The following CHLSN variants were observed in gnomAD, a reference collection of about 807,000 sequenced individuals.
CHLSN encodes cholesin.
the CHLSN span, among the ~76,000 whole-genome samples, chr7:994,121 A>G: frequency 6.6e-6 from 1 of 152,114 alleles, no homozygotes; most frequent in African/African-American, 2.4e-5. Flanking sequence ...CTTCCAAACA[A>G]TGCTCCCTTT....
the CHLSN span, among the ~76,000 whole-genome samples, chr7:1,104,221 G>A: frequency 9.9e-5 from 15 of 152,246 alleles, no homozygotes; most frequent in African/African-American, 2.7e-4. Flanking sequence ...TGTCAGCACC[G>A]AGGCAAGGGC....
the CHLSN span, among the ~76,000 whole-genome samples, chr7:1,135,031 T>G: frequency 6.6e-6 from 1 of 152,182 alleles, no homozygotes; most frequent in Non-Finnish European, 1.5e-5. Context: ...AGTATGCAAC[T>G]TATTTGACCT....
chr7:1,064,095 CACACACAT>C, the CHLSN span, among the ~76,000 whole-genome samples: 7 of 147,040 alleles, frequency 4.8e-5, no homozygotes, highest in Non-Finnish European at 1.1e-4. Context: ...GCAGCATACA[CACACACAT>C]ACATGCGTGC....
At chr7:1,117,308 GC>G in the CHLSN span, among the ~76,000 whole-genome samples, 87 of 82,014 alleles carry the variant, frequency 1.1e-3, 6 homozygotes, top group African/African-American at 1.3e-3. Flanking sequence ...CATCACTACA[GC>G]TCTACAGACC....
the CHLSN span, chr7:1,127,236 G>C: frequency 1.3e-6 from 2 of 1,584,116 alleles, no homozygotes; most frequent in Non-Finnish European, 1.7e-6. Flanking sequence ...GGCAGGGCCA[G>C]TGAAGCACAG....
chr7:1,055,101 C>T, the CHLSN span, among the ~76,000 whole-genome samples: 6 of 152,326 alleles, frequency 3.9e-5, no homozygotes, highest in Admixed American at 6.5e-5. Context: ...GCAGAGGCCA[C>T]GGCCTCCATG....
At chr7:991,772 C>A in the CHLSN span, among the ~76,000 whole-genome samples, 2 of 152,226 alleles carry the variant, frequency 1.3e-5, no homozygotes, top group African/African-American at 2.4e-5. Flanking sequence ...GGGGCACAGG[C>A]ACATTCACGG....
At chr7:1,136,670 T>TAA in the CHLSN span, among the ~76,000 whole-genome samples, 1 of 148,084 alleles carries the variant, frequency 6.8e-6, no homozygotes, top group African/African-American at 2.5e-5. Context: ...TGTATATATA[T>TAA]AACTATATAT....
At chr7:1,127,232 G>A in the CHLSN span, 7 of 1,580,206 alleles carry the variant, frequency 4.4e-6, no homozygotes, top group Non-Finnish European at 5.1e-6. Context: ...AGAGGGCAGG[G>A]CCAGTGAAGC....
chr7:1,027,861 C>T, the CHLSN span, among the ~76,000 whole-genome samples: 1 of 152,252 alleles, frequency 6.6e-6, no homozygotes, highest in African/African-American at 2.4e-5. Flanking sequence ...GCTCGTGTCT[C>T]CCCCGGGGGC....
chr7:1,016,304 TAGC>T, the CHLSN span, among the ~76,000 whole-genome samples: 2 of 27,490 alleles, frequency 7.3e-5, no homozygotes, highest in Non-Finnish European at 1.1e-4. Flanking sequence ...CGCCAGCACA[TAGC>T]AGCACAGCAG....
At chr7:1,000,601 G>A in the CHLSN span, 1 of 1,475,490 alleles carries the variant, frequency 6.8e-7, no homozygotes, top group African/African-American at 1.4e-5. Flanking sequence ...AAGACTCCCG[G>A]GCAGCTGTCT....
chr7:1,036,349 G>A, the CHLSN span, among the ~76,000 whole-genome samples: 3 of 151,454 alleles, frequency 2.0e-5, no homozygotes, highest in African/African-American at 7.3e-5. Context: ...GCCGTGCAGG[G>A]CTCGGGTGCT....
At chr7:979,733 T>C in the CHLSN span, among the ~76,000 whole-genome samples, 1 of 145,200 alleles carries the variant, frequency 6.9e-6, no homozygotes, top group Non-Finnish European at 1.5e-5. Flanking sequence ...AAACTCCGTC[T>C]CAAAAAAAAA....
At chr7:1,123,638 A>C in the CHLSN span, among the ~76,000 whole-genome samples, 1 of 150,938 alleles carries the variant, frequency 6.6e-6, no homozygotes, top group Non-Finnish European at 1.5e-5. This position sits in a 1 kb window ranked among gnomAD's most constrained non-coding sequence, Gnocchi z 4.4. Flanking sequence ...AACCAGGGAG[A>C]GTCAGCAAGG....
the CHLSN span, among the ~76,000 whole-genome samples, chr7:998,400 CTGTAGCAACCATTTCA>C: frequency 2.7e-5 from 4 of 150,200 alleles, no homozygotes; most frequent in African/African-American, 9.8e-5. Context: ...GTCTCCCATT[CTGTAGCAACCATTTCA>C]CTTTCCAGCT....
At chr7:980,684 CTTTTT>C in the CHLSN span, among the ~76,000 whole-genome samples, 2 of 97,040 alleles carry the variant, frequency 2.1e-5, no homozygotes, top group Non-Finnish European at 2.0e-5. Flanking sequence ...GTAACAGTTA[CTTTTT>C]TTTTTTTTTT....
At chr7:982,910 A>C in the CHLSN span, among the ~76,000 whole-genome samples, 2 of 152,316 alleles carry the variant, frequency 1.3e-5, no homozygotes, top group Admixed American at 1.3e-4. Context: ...GGTTCAGCAG[A>C]ACCAGGGGCA....
chr7:1,092,044 C>A, the CHLSN span: 8 of 1,614,008 alleles, frequency 5.0e-6, no homozygotes, highest in Non-Finnish European at 5.9e-6. Flanking sequence ...GGTGGCGGAC[C>A]TCATCCTGGT....
Sources: gnomAD v4.1 joint callset for allele counts (sites outside exome capture counted in the v4.1 genomes callset) on GRCh38, gnomAD v4.1.1 for gene constraint, Gnocchi (gnomAD v3.1) non-coding constraint, MANE v1.5 for transcripts, NCBI Gene and HGNC (gene_info 2026-07-23, HGNC 2026-07-21) for gene names.